Variants in PDS5A observed in about 807,000 individuals in gnomAD.
The protein encoded by PDS5A is PDS5 cohesin associated factor A.
Under a neutral mutation model 167.1 loss-of-function variants are expected in PDS5A, and 42 were observed. The observed-to-expected ratio is 0.25, with a 90% confidence interval of 0.20 to 0.33. The LOEUF (loss-of-function observed/expected upper bound fraction) is 0.33, where lower values mean the gene tolerates loss of function less well. PDS5A is among the 10% of genes least tolerant of loss of function. PDS5A has a pLI of 1.00. For missense variants in PDS5A, 1,033 were observed against 1,605.9 expected, an observed-to-expected ratio of 0.64 and a Z score of 6.10; for synonymous variants, 553 against 554.6, an observed-to-expected ratio of 1.00 and a Z score of 0.04.
At chr4:39,961,264 G>C (rs1729451604) in intron 2 of PDS5A, among the ~76,000 whole-genome samples, 1 of 151,818 alleles carries the variant, frequency 6.6e-6, no homozygotes, top group Admixed American at 6.6e-5. Context: ...TCTGCACCAG[G>C]GAATTCAAGA....
chr4:39,849,413 T>C, intron 27 of PDS5A, 107 bp downstream of exon 27: 1 of 685,558 alleles, frequency 1.5e-6, no homozygotes, highest in Non-Finnish European at 2.3e-6. Flanking sequence ...GTAAACATTC[T>C]AAAATTTAAA....
intron 15 of PDS5A, 89 bp from the exon 16 acceptor site, chr4:39,898,617 G>A (rs560151896): frequency 5.9e-5 from 57 of 971,448 alleles, no homozygotes; most frequent in African/African-American, 1.0e-4. Flanking sequence ...AAAATATTGC[G>A]GAGCCACTAA....
intron 26 of PDS5A, among the ~76,000 whole-genome samples, chr4:39,850,033 G>A (rs1717979250): frequency 6.6e-6 from 1 of 152,050 alleles, no homozygotes; most frequent in Non-Finnish European, 1.5e-5. Flanking sequence ...AGCACTTTGG[G>A]AGGCCGAGGT....
chr4:39,899,495 T>C (rs542493502), intron 14 of PDS5A, among the ~76,000 whole-genome samples: 69 of 152,298 alleles, frequency 4.5e-4, no homozygotes, highest in African/African-American at 1.6e-3. Context: ...GGGTTGAATA[T>C]CTGACCACAG....
intron 16 of PDS5A, among the ~76,000 whole-genome samples, chr4:39,890,921 T>C (rs1053759651): frequency 6.6e-6 from 1 of 152,028 alleles, no homozygotes; most frequent in Non-Finnish European, 1.5e-5. Context: ...ACCTGGACTA[T>C]GGCAACCTTT....
intron 32 of PDS5A, among the ~76,000 whole-genome samples, chr4:39,827,624 G>A (rs190583639): frequency 5.3e-5 from 8 of 152,214 alleles, no homozygotes; most frequent in Admixed American, 5.2e-4. Context: ...CCACATGATG[G>A]GAGGAAACCT....
intron 2 of PDS5A, among the ~76,000 whole-genome samples, chr4:39,951,042 C>T (rs1458241013): frequency 6.6e-6 from 1 of 152,130 alleles, no homozygotes; most frequent in East Asian, 1.9e-4. Flanking sequence ...GCTGGGACTA[C>T]AGGAATGCAT....
intron 2 of PDS5A, among the ~76,000 whole-genome samples, chr4:39,929,554 T>TATATATCC (rs1359707022): frequency 1.6e-5 from 2 of 128,460 alleles, no homozygotes; most frequent in African/African-American, 6.0e-5. Flanking sequence ...TATATATATA[T>TATATATCC]ATCCCATTAA....
At chr4:39,976,180 AG>A (rs1263930980) in intron 2 of PDS5A, 13 of 270,296 alleles carry the variant, frequency 4.8e-5, no homozygotes, top group Non-Finnish European at 9.1e-5. Context: ...AAATACCTCC[AG>A]AAAAAACTCT....
intron 31 of PDS5A, among the ~76,000 whole-genome samples, chr4:39,838,932 T>C (rs1371998519): frequency 6.6e-6 from 1 of 151,548 alleles, no homozygotes; most frequent in Admixed American, 6.6e-5. Context: ...GGCAGGAGAA[T>C]AGCCGAAATT....
intron 17 of PDS5A, among the ~76,000 whole-genome samples, chr4:39,888,787 G>T (rs1344444347): frequency 2.6e-5 from 4 of 152,114 alleles, no homozygotes; most frequent in Non-Finnish European, 5.9e-5. Context: ...CAAGAAGCTG[G>T]GAAGGGTGAG....
At chr4:39,892,231 G>C (rs1459987933) in intron 16 of PDS5A, among the ~76,000 whole-genome samples, 2 of 152,218 alleles carry the variant, frequency 1.3e-5, no homozygotes, top group South Asian at 4.1e-4. Context: ...TTGAGGTCAG[G>C]AGTTTTGAGA....
intron 9 of PDS5A, 50 bp downstream of exon 9, chr4:39,913,561 C>T: frequency 1.0e-6 from 1 of 978,486 alleles, no homozygotes; most frequent in South Asian, 1.3e-5. Context: ...GGACTGCACC[C>T]TACTGACTAT....
At chr4:39,964,473 G>T (rs1286971447) in intron 2 of PDS5A, among the ~76,000 whole-genome samples, 1 of 152,208 alleles carries the variant, frequency 6.6e-6, no homozygotes, top group African/African-American at 2.4e-5. Context: ...GGAGGCTGAG[G>T]TGGGAGGATG....
intron 2 of PDS5A, among the ~76,000 whole-genome samples, chr4:39,972,603 T>A (rs1046604849): frequency 1.3e-5 from 2 of 151,270 alleles, no homozygotes; most frequent in Non-Finnish European, 2.9e-5. Context: ...TGGGCTCAAA[T>A]GATCCTCCTG....
rs1725523388 is a variant in PDS5A at position 39,926,873 on chromosome 4, A to G, written c.343-12T>C. ...AACAAAAATATGTCCTGTTAAAAAA[A>G]AAAACACATTAATTTAGACACAAAT... On this transcript the variant is annotated splice_polypyrimidine_tract_variant and intron_variant, in intron 3 of 32. Coordinates refer to ENST00000303538, the MANE Select transcript of PDS5A (RefSeq NM_001100399.2). The G allele has an allele frequency of 7.1e-6, 10 of 1,407,510 alleles. No individual in the cohort carries two copies. The highest frequency in any genetic ancestry group is 9.4e-6 in the Non-Finnish European group (10 of 1,069,448). 87.2% of individuals were successfully genotyped at this position (1,407,510 alleles called of 1,614,324 possible).
intron 25 of PDS5A, 68 bp downstream of exon 25, chr4:39,862,801 A>G (rs570739746): frequency 4.2e-5 from 42 of 998,084 alleles, no homozygotes; most frequent in Non-Finnish European, 6.1e-5. Context: ...CATGACAAGA[A>G]AAAAAAAACC....
At chr4:39,886,669 C>T (rs752407489) in intron 17 of PDS5A, among the ~76,000 whole-genome samples, 6 of 151,394 alleles carry the variant, frequency 4.0e-5, no homozygotes, top group South Asian at 2.1e-4. Context: ...GCCAAGATCG[C>T]GCCATTGCAC....
chr4:39,845,375 G>A (rs545790197), intron 29 of PDS5A, among the ~76,000 whole-genome samples: 2 of 151,998 alleles, frequency 1.3e-5, no homozygotes, highest in East Asian at 3.9e-4. Context: ...CATAATAAAT[G>A]CTCCTATAAA....
Sources: allele counts gnomAD v4.1 joint callset (sites outside exome capture counted in the v4.1 genomes callset), GRCh38; gene constraint gnomAD v4.1.1; transcripts MANE v1.5; gene names NCBI Gene and HGNC (gene_info 2026-07-23, HGNC 2026-07-21).